The following KATNAL1 variants were observed in gnomAD, a reference collection of about 807,000 sequenced individuals.
The protein encoded by KATNAL1 is katanin p60 ATPase-containing subunit A-like 1.
A neutral mutation model predicts 55.2 loss-of-function variants in KATNAL1; 32 were observed. The ratio of observed to expected loss-of-function variants is 0.58; its 90% CI spans 0.44 to 0.78. The LOEUF (loss-of-function observed/expected upper bound fraction) is 0.78. Ranked by LOEUF, KATNAL1 falls within the 30% of genes least tolerant of loss-of-function variation. The pLI is 0.00. For synonymous variants in KATNAL1, 193 were observed against 193.6 expected, an observed-to-expected ratio of 1.00 and a Z score of 0.02; for missense variants, 466 against 600.9, an observed-to-expected ratio of 0.78 and a Z score of 2.35.
chr13:30,301,814 C>T (rs911420918), intron 1 of KATNAL1, among the ~76,000 whole-genome samples: 1 of 152,162 alleles, frequency 6.6e-6, no homozygotes, highest in Non-Finnish European at 1.5e-5. Context: ...CTTTGAACAG[C>T]CTAAAACCTT....
chr13:30,254,877 T>A (rs1354158102), intron 4 of KATNAL1, among the ~76,000 whole-genome samples: 1 of 152,140 alleles, frequency 6.6e-6, no homozygotes, highest in Non-Finnish European at 1.5e-5. Flanking sequence ...CTGTCCTAAG[T>A]CCATTTTAAG....
At chr13:30,305,204 C>T (rs1883104881) in intron 1 of KATNAL1, among the ~76,000 whole-genome samples, 1 of 152,210 alleles carries the variant, frequency 6.6e-6, no homozygotes, top group Non-Finnish European at 1.5e-5. Flanking sequence ...ATTCTAAACT[C>T]TGAATATGGT....
At chr13:30,214,460 G>A (rs1166464680) in intron 9 of KATNAL1, among the ~76,000 whole-genome samples, 4 of 152,134 alleles carry the variant, frequency 2.6e-5, no homozygotes, top group Admixed American at 6.5e-5. Flanking sequence ...AGCCCACGTC[G>A]CCAAGTCAAT....
chr13:30,204,474 G>A lies in KATNAL1; in HGVS notation c.*4066C>T, dbSNP rs1872934537. The A allele has an allele frequency of 6.6e-6, 1 of 152,156 alleles. No individual in the cohort carries two copies. Among genetic ancestry groups the A allele is most frequent in the Non-Finnish European group, 1.5e-5 (1 of 68,030 alleles). 9.4% of individuals were successfully genotyped at this position (152,156 alleles called of 1,614,324 possible). On this transcript the variant is annotated 3_prime_UTR_variant, in exon 11 of 11. Transcript: ENST00000380615. ...ATCACAGCTACCTCAGCTGGTTAGT[G>A]TTTTATGATTCTCATCACACATTTA...
In KATNAL1 at chr13:30,280,226, T is replaced by TAAA. The variant is rs376904265; in HGVS notation, c.163-6_163-4dup. 98 of 1,256,854 alleles carry TAAA rather than the reference T, an allele frequency of 7.8e-5. No homozygotes were observed. The African/African-American group carries it at 1.0e-3, about 13-fold the overall frequency. The allele number at this position is 1,256,854 out of a possible 1,614,324, so 77.9% of individuals were successfully genotyped here. On this transcript the variant is annotated splice_polypyrimidine_tract_variant and splice_region_variant and intron_variant, in intron 2 of 10. Transcript: ENST00000380615. ...TCCTCCAATAATTCCTGCCGAACCT[T>TAAA]AAAAAAAAAAAATAGGCTTTATGCT... is the stretch of plus-strand genomic sequence containing the variant.
chr13:30,206,746 A>C lies in KATNAL1; in HGVS notation c.*1794T>G, dbSNP rs9508678. On this transcript the variant is annotated 3_prime_UTR_variant, in exon 11 of 11. Transcript: ENST00000380615. ...ACTAATGTTTTAGTGACGGCTCCTAAAACTTCAGGGAAAAAAAAAGTGCAT... is the reference window on the plus strand; with the variant it reads ...ACTAATGTTTTAGTGACGGCTCCTACAACTTCAGGGAAAAAAAAAGTGCAT... 3.9e-5 allele frequency: 6 copies of C among 152,252 alleles called. No homozygotes were observed. The South Asian group carries it at 1.0e-3, about 26-fold the overall frequency. 9.4% of individuals were successfully genotyped at this position (152,252 alleles called of 1,614,324 possible).
intron 6 of KATNAL1, among the ~76,000 whole-genome samples, chr13:30,239,988 A>C (rs1877101825): frequency 1.3e-5 from 2 of 152,188 alleles, no homozygotes; most frequent in Admixed American, 1.3e-4. Context: ...CCAGCCAAGA[A>C]GTAGTTTTTT....
At chr13:30,267,647 C>T (rs1879880599) in intron 3 of KATNAL1, among the ~76,000 whole-genome samples, 1 of 152,092 alleles carries the variant, frequency 6.6e-6, no homozygotes. Context: ...GCAGTGACAA[C>T]AAAAATAAAT....
At chr13:30,227,355 T>A in intron 9 of KATNAL1, 57 bp downstream of exon 9, 2 of 1,535,088 alleles carry the variant, frequency 1.3e-6, no homozygotes, top group Non-Finnish European at 1.8e-6. Context: ...AAGATTTAGA[T>A]ACATGGGAAA....
intron 6 of KATNAL1, among the ~76,000 whole-genome samples, chr13:30,239,806 C>T (rs1877079323): frequency 6.6e-6 from 1 of 151,572 alleles, no homozygotes; most frequent in African/African-American, 2.4e-5. Context: ...CTGCCTCAGC[C>T]TCCCGAGTAG....
At chr13:30,279,313 T>G (rs1881094945) in intron 3 of KATNAL1, among the ~76,000 whole-genome samples, 1 of 152,242 alleles carries the variant, frequency 6.6e-6, no homozygotes, top group South Asian at 2.1e-4. Context: ...ACCATGGTCC[T>G]TGTCCTTGCA....
intron 8 of KATNAL1, 22 bp from the exon 9 acceptor site, chr13:30,227,568 AAGAT>A (rs1283344337): frequency 6.3e-7 from 1 of 1,593,196 alleles, no homozygotes; most frequent in Admixed American, 1.8e-5. Context: ...AAGGGAGGAA[AAGAT>A]AGTGTTTTTC....
At chr13:30,253,229 G>A (rs1878492947) in intron 4 of KATNAL1, among the ~76,000 whole-genome samples, 1 of 152,126 alleles carries the variant, frequency 6.6e-6, no homozygotes, top group Non-Finnish European at 1.5e-5. Context: ...TATGAAGTTT[G>A]CATGAGTTTG....
chr13:30,234,509 A>C (rs1354588513), intron 6 of KATNAL1, among the ~76,000 whole-genome samples: 1 of 151,948 alleles, frequency 6.6e-6, no homozygotes, highest in Admixed American at 6.6e-5. Flanking sequence ...TTTTCCTGAC[A>C]CTTCTGCTCT....
chr13:30,221,580 T>C (rs1874860004), intron 9 of KATNAL1, among the ~76,000 whole-genome samples: 1 of 152,248 alleles, frequency 6.6e-6, no homozygotes, highest in Non-Finnish European at 1.5e-5. Flanking sequence ...AGATTATCCA[T>C]TTCTGAATAA....
At chr13:30,290,076 T>A (rs569965373) in intron 1 of KATNAL1, among the ~76,000 whole-genome samples, 81 of 152,328 alleles carry the variant, frequency 5.3e-4, no homozygotes, top group African/African-American at 1.8e-3. Context: ...CAAGAACAAG[T>A]GGCAAGCTGG....
At chr13:30,256,191 T>C (rs1878766999) in intron 3 of KATNAL1, among the ~76,000 whole-genome samples, 1 of 152,238 alleles carries the variant, frequency 6.6e-6, no homozygotes, top group African/African-American at 2.4e-5. Flanking sequence ...ATTCATGTTT[T>C]GAGAATGTCT....
intron 3 of KATNAL1, among the ~76,000 whole-genome samples, chr13:30,263,592 G>C (rs1202450173): frequency 6.6e-6 from 1 of 152,138 alleles, no homozygotes; most frequent in Non-Finnish European, 1.5e-5. Context: ...AAAATCATGA[G>C]AGAACCAAAT....
intron 4 of KATNAL1, among the ~76,000 whole-genome samples, chr13:30,248,095 G>T (rs191001247): frequency 1.3e-5 from 2 of 152,268 alleles, no homozygotes; most frequent in East Asian, 3.9e-4. Context: ...AAATCAAGAA[G>T]CTAAAGCACT....
Sources: allele counts gnomAD v4.1 joint callset (sites outside exome capture counted in the v4.1 genomes callset), GRCh38; gene constraint gnomAD v4.1.1; transcripts MANE v1.5; gene names NCBI Gene and HGNC (gene_info 2026-07-23, HGNC 2026-07-21).